The following DLG2 variants were observed in gnomAD, a reference collection of about 807,000 sequenced individuals.
DLG2 encodes discs large MAGUK scaffold protein 2, also known as disks large homolog 2.
Under a neutral mutation model 132.5 loss-of-function variants are expected in DLG2, and 45 were observed. That is an observed-to-expected ratio of 0.34 (90% CI 0.27 to 0.44). The LOEUF is 0.44. DLG2 is among the 20% of genes least tolerant of loss of function. The probability of loss-of-function intolerance (pLI) is 1.00; values close to 1 mark genes in which losing one functional copy is unlikely to be tolerated. For missense variants in DLG2, 1,045 were observed against 1,196.9 expected (o/e 0.87, Z 1.87); for synonymous variants, 424 against 419.6 (o/e 1.01, Z -0.13).
rs953984515 is a variant in DLG2 at position 83,536,187 on chromosome 11, TATTA to T, written c.2118-3408_2118-3405del. Among the ~76,000 whole-genome samples, 5 of 152,300 alleles carry T rather than the reference TATTA, an allele frequency of 3.3e-5. No individual in the cohort carries two copies. The South Asian group carries it at 8.3e-4, about 25-fold the overall frequency. On this transcript the variant is annotated intron_variant, in intron 20 of 27. Coordinates refer to ENST00000376104, the MANE Select transcript of DLG2 (RefSeq NM_001142699.3). Reference sequence around the variant, plus strand: ...CTAATGTCCTGAATGCTATGAATATTATTAATTATTAAATAAACCACAACCAAAT... The same window carrying T: ...CTAATGTCCTGAATGCTATGAATATTATTATTAAATAAACCACAACCAAAT...
At chr11:84,714,804 G>A (rs2061020359) in intron 6 of DLG2, among the ~76,000 whole-genome samples, 1 of 151,580 alleles carries the variant, frequency 6.6e-6, no homozygotes, top group Non-Finnish European at 1.5e-5. Flanking sequence ...AATAACACTG[G>A]TAAAACACCT....
At chr11:84,387,149 G>A (rs555603961) in intron 7 of DLG2, among the ~76,000 whole-genome samples, 1 of 152,070 alleles carries the variant, frequency 6.6e-6, no homozygotes, top group African/African-American at 2.4e-5. Context: ...TCACCACACT[G>A]GGGCAGCGTC....
In DLG2 at chr11:84,023,462, T is replaced by C. The variant is rs533283478; in HGVS notation, c.919+35853A>G. On this transcript the variant is annotated intron_variant, in intron 11 of 27. Coordinates refer to ENST00000376104, the MANE Select transcript of DLG2 (RefSeq NM_001142699.3). ...AAGACATCACCTGAGTTCACTAAAG[T>C]AGCAAGTAGAAAAGCCAGGATTTGA... Among the ~76,000 whole-genome samples the C allele has an allele frequency of 8.0e-4, 122 of 152,284 alleles. 2 individuals carry two copies. The highest frequency in any genetic ancestry group is 2.9e-3 in the African/African-American group (120 of 41,580).
At chr11:84,496,886 A>T (rs892769208) in intron 7 of DLG2, among the ~76,000 whole-genome samples, 2 of 152,178 alleles carry the variant, frequency 1.3e-5, no homozygotes, top group African/African-American at 4.8e-5. Context: ...ACAATTTTTG[A>T]ATGAAGGAAT....
intron 3 of DLG2, among the ~76,000 whole-genome samples, chr11:85,400,511 A>G (rs1016635272): frequency 3.3e-5 from 5 of 149,798 alleles, no homozygotes; most frequent in African/African-American, 1.2e-4. Context: ...TATTCACAAT[A>G]GCAAAGACTT....
At chr11:83,772,291 T>C (rs900424047) in intron 18 of DLG2, among the ~76,000 whole-genome samples, 14 of 151,928 alleles carry the variant, frequency 9.2e-5, no homozygotes, top group Admixed American at 9.2e-4. Context: ...GCACCTGTGG[T>C]CCCAGCTACC....
intron 11 of DLG2, among the ~76,000 whole-genome samples, chr11:84,006,425 G>C (rs2094574519): frequency 6.6e-6 from 1 of 151,580 alleles, no homozygotes; most frequent in African/African-American, 2.4e-5. Flanking sequence ...TTTCAAAGTA[G>C]CTAGAAGAGA....
At position 83,856,507 on chromosome 11, in the gene DLG2, T is replaced by G. The variant is rs144131220; in HGVS notation, c.1565+17913A>C. 5.8e-4 allele frequency among the ~76,000 whole-genome samples: 89 copies of G among 152,286 alleles called. 1 individual carries two copies. The East Asian group carries it at 0.016, about 27-fold the overall frequency. Reference sequence around the variant, plus strand: ...TTGCCAACATCTGTTGTTTTTTGACTTTTTGATAATAGCCATTCTGACTGG... The same window carrying G: ...TTGCCAACATCTGTTGTTTTTTGACGTTTTGATAATAGCCATTCTGACTGG... On this transcript the variant is annotated intron_variant, in intron 16 of 27. Coordinates refer to ENST00000376104, the MANE Select transcript of DLG2 (RefSeq NM_001142699.3).
intron 6 of DLG2, among the ~76,000 whole-genome samples, chr11:84,893,457 CAGA>C (rs2089733910): frequency 6.6e-6 from 1 of 152,146 alleles, no homozygotes; most frequent in African/African-American, 2.4e-5. Flanking sequence ...TGAGACAGTG[CAGA>C]AGAAATCTTC....
intron 3 of DLG2, among the ~76,000 whole-genome samples, chr11:85,298,127 A>C (rs1338297641): frequency 6.6e-6 from 1 of 152,132 alleles, no homozygotes; most frequent in Non-Finnish European, 1.5e-5. Flanking sequence ...GAGACTGGTT[A>C]CATACAGAAG....
At chr11:83,884,233 C>A (rs2067131318) in intron 15 of DLG2, among the ~76,000 whole-genome samples, 1 of 152,218 alleles carries the variant, frequency 6.6e-6, no homozygotes, top group Admixed American at 6.5e-5. Flanking sequence ...TCGGGTCACT[C>A]CCACCCTAAT....
intron 6 of DLG2, among the ~76,000 whole-genome samples, chr11:84,651,024 A>T (rs985283933): frequency 8.6e-5 from 13 of 151,612 alleles, no homozygotes; most frequent in Non-Finnish European, 1.6e-4. Context: ...CCCTCCAGAG[A>T]TGCTGTACCT....
At chr11:84,777,268 T>C (rs1366692743) in intron 6 of DLG2, among the ~76,000 whole-genome samples, 4 of 129,244 alleles carry the variant, frequency 3.1e-5, no homozygotes, top group Non-Finnish European at 6.5e-5. Flanking sequence ...TGTGTGTATG[T>C]ATATGTGTGT....
At chr11:84,821,017 T>C (rs1307895979) in intron 6 of DLG2, among the ~76,000 whole-genome samples, 2 of 151,844 alleles carry the variant, frequency 1.3e-5, no homozygotes, top group African/African-American at 2.4e-5. Flanking sequence ...ATGCAGTAGA[T>C]TATAATAGAA....
intron 11 of DLG2, among the ~76,000 whole-genome samples, chr11:84,056,725 G>A (rs1045437248): frequency 6.6e-6 from 1 of 152,156 alleles, no homozygotes; most frequent in African/African-American, 2.4e-5. Context: ...CTCTGATTCA[G>A]CACTAGCTGT....
intron 3 of DLG2, among the ~76,000 whole-genome samples, chr11:85,388,457 C>T (rs1356506996): frequency 2.0e-5 from 3 of 152,114 alleles, no homozygotes; most frequent in Non-Finnish European, 4.4e-5. Flanking sequence ...CCAAAGGCTA[C>T]CCTAGGAAAA....
chr11:84,193,131 C>T (rs994678131), intron 8 of DLG2, among the ~76,000 whole-genome samples: 2 of 152,160 alleles, frequency 1.3e-5, no homozygotes, highest in South Asian at 4.1e-4. Flanking sequence ...ACTGGGATAT[C>T]TATTTGACAT....
intron 3 of DLG2, among the ~76,000 whole-genome samples, chr11:85,502,088 A>T (rs2153131003): frequency 6.6e-6 from 1 of 152,326 alleles, no homozygotes; most frequent in East Asian, 1.9e-4. Context: ...CTATGCAGCC[A>T]TAAAAAAGGA....
At chr11:84,513,780 A>G (rs11234061) in intron 7 of DLG2, among the ~76,000 whole-genome samples, 3 of 148,012 alleles carry the variant, frequency 2.0e-5, no homozygotes, top group African/African-American at 7.4e-5. Flanking sequence ...CAGGCCCCCC[A>G]AAAAAAAAAA....
Sources: gnomAD v4.1 joint callset for allele counts (sites outside exome capture counted in the v4.1 genomes callset) on GRCh38, gnomAD v4.1.1 for gene constraint, MANE v1.5 for transcripts, NCBI Gene and HGNC (gene_info 2026-07-23, HGNC 2026-07-21) for gene names.